RIC1: variants seen among roughly 807,000 people sequenced by gnomAD.
The protein encoded by RIC1 is guanine nucleotide exchange factor subunit RIC1.
A neutral mutation model predicts 169.0 loss-of-function variants in RIC1; 88 were observed. The ratio of observed to expected loss-of-function variants is 0.52; its 90% CI spans 0.44 to 0.62. The LOEUF (loss-of-function observed/expected upper bound fraction) is 0.62. RIC1 is among the 20% of genes least tolerant of loss of function. The pLI is 0.00. For synonymous variants in RIC1, 790 were observed against 601.5 expected (o/e 1.31, Z -4.59); for missense variants, 1,877 against 1,725.5 (o/e 1.09, Z -1.56).
At chr9:5,664,998 A>G (rs1008807049) in intron 2 of RIC1, among the ~76,000 whole-genome samples, 5 of 152,064 alleles carry the variant, frequency 3.3e-5, no homozygotes, top group African/African-American at 4.8e-5. Flanking sequence ...TCCTCCTAGT[A>G]TTGTCAGTGG....
At chr9:5,717,643 A>C (rs754496984) in intron 4 of RIC1, among the ~76,000 whole-genome samples, 2 of 152,116 alleles carry the variant, frequency 1.3e-5, no homozygotes, top group Non-Finnish European at 2.9e-5. Context: ...TCAGGAGTTC[A>C]AAACCAGCCT....
At chr9:5,709,790 G>A (rs1563917625) in intron 3 of RIC1, among the ~76,000 whole-genome samples, 2 of 152,096 alleles carry the variant, frequency 1.3e-5, no homozygotes, top group African/African-American at 4.8e-5. Context: ...ATTTTAGTAT[G>A]TTTGGAAGAC....
intron 6 of RIC1, among the ~76,000 whole-genome samples, chr9:5,725,869 T>G (rs568032427): frequency 6.6e-6 from 1 of 152,332 alleles, no homozygotes; most frequent in Admixed American, 6.5e-5. Flanking sequence ...TGAGTGGTTT[T>G]GAGTGAGTTT....
intron 1 of RIC1, 88 bp downstream of exon 1, chr9:5,629,541 C>CTCCT: frequency 2.2e-6 from 3 of 1,359,336 alleles, no homozygotes; most frequent in Non-Finnish European, 2.9e-6. Context: ...GAGCCTAGGA[C>CTCCT]TCCTGCCCCT....
chr9:5,767,801 A>C (rs902006041), intron 21 of RIC1, among the ~76,000 whole-genome samples: 1 of 152,012 alleles, frequency 6.6e-6, no homozygotes, highest in South Asian at 2.1e-4. Flanking sequence ...TGGTCAGGCT[A>C]GTCTCAAACT....
intron 3 of RIC1, among the ~76,000 whole-genome samples, chr9:5,697,153 G>C (rs111449178): frequency 6.6e-6 from 1 of 152,218 alleles, no homozygotes; most frequent in Non-Finnish European, 1.5e-5. Context: ...GCTTTTCTCT[G>C]TGTGGCTCCC....
chr9:5,702,888 C>T (rs1197337502), intron 3 of RIC1, among the ~76,000 whole-genome samples: 1 of 152,222 alleles, frequency 6.6e-6, no homozygotes, highest in African/African-American at 2.4e-5. Context: ...CGATAACTTA[C>T]TATCACAAGA....
chr9:5,696,126 C>G (rs1821888640), intron 3 of RIC1, among the ~76,000 whole-genome samples: 1 of 151,986 alleles, frequency 6.6e-6, no homozygotes, highest in African/African-American at 2.4e-5. Flanking sequence ...CTCTATTTTA[C>G]TCTCATTGGT....
intron 2 of RIC1, among the ~76,000 whole-genome samples, chr9:5,675,868 A>G (rs144183020): frequency 9.0e-4 from 137 of 152,352 alleles, no homozygotes; most frequent in African/African-American, 3.2e-3. Flanking sequence ...TAATATGCAT[A>G]CAGCACATTT....
chr9:5,648,144 G>A (rs559068305), intron 1 of RIC1, among the ~76,000 whole-genome samples: 4 of 151,998 alleles, frequency 2.6e-5, no homozygotes, highest in East Asian at 1.9e-4. Context: ...CACCATACCC[G>A]ACTAATTTCT....
chr9:5,715,937 TC>T (rs1823213504), intron 4 of RIC1, among the ~76,000 whole-genome samples: 1 of 151,848 alleles, frequency 6.6e-6, no homozygotes, highest in Admixed American at 6.6e-5. Flanking sequence ...AGCCTCAGCC[TC>T]CTGGGCTCCA....
chr9:5,745,905 T>C (rs746480597), intron 10 of RIC1, 26 bp from the exon 11 acceptor site: 1 of 1,589,704 alleles, frequency 6.3e-7, no homozygotes, highest in South Asian at 1.1e-5. Flanking sequence ...GCTCTGACTT[T>C]TTTTCTCCCT....
At chr9:5,728,284 A>T (rs1824129140) in intron 6 of RIC1, among the ~76,000 whole-genome samples, 1 of 152,214 alleles carries the variant, frequency 6.6e-6, no homozygotes, top group South Asian at 2.1e-4. Context: ...CTTGCAGTTC[A>T]ATCTGAGTTG....
At chr9:5,749,716 A>G (rs867671654) in intron 12 of RIC1, among the ~76,000 whole-genome samples, 4 of 150,782 alleles carry the variant, frequency 2.7e-5, no homozygotes, top group Non-Finnish European at 5.9e-5. Context: ...AACAAAACAA[A>G]TACATACTTG....
chr9:5,720,844 G>A (rs775664044), intron 6 of RIC1, 94 bp downstream of exon 6: 19 of 1,120,654 alleles, frequency 1.7e-5, no homozygotes, highest in Non-Finnish European at 2.1e-5. Flanking sequence ...ATTCATGTAA[G>A]ATTTTAAGGG....
chr9:5,682,299 G>C (rs1313849558), intron 2 of RIC1, among the ~76,000 whole-genome samples: 1 of 152,186 alleles, frequency 6.6e-6, no homozygotes, highest in East Asian at 1.9e-4. Flanking sequence ...GCTGGTACCA[G>C]TTTTTCCTTT....
At chr9:5,670,372 A>G (rs2890691) in intron 2 of RIC1, among the ~76,000 whole-genome samples, 45,288 of 152,104 alleles carry the variant, frequency 0.3, 7,898 homozygotes, top group East Asian at 0.59. Context: ...AAATCAGCTT[A>G]CTTCTGAACA....
At chr9:5,680,858 G>A (rs1344259339) in intron 2 of RIC1, among the ~76,000 whole-genome samples, 2 of 107,626 alleles carry the variant, frequency 1.9e-5, no homozygotes, top group Non-Finnish European at 3.4e-5. Context: ...ACGGAGTCTC[G>A]CTCTGTCGCC....
At chr9:5,646,306 A>T (rs544720347) in intron 1 of RIC1, among the ~76,000 whole-genome samples, 3 of 152,244 alleles carry the variant, frequency 2.0e-5, no homozygotes, top group Admixed American at 6.5e-5. Context: ...TATTCTGGGT[A>T]TAATCCTTTA....
Sources: gnomAD v4.1 joint callset for allele counts (sites outside exome capture counted in the v4.1 genomes callset) on GRCh38, gnomAD v4.1.1 for gene constraint, MANE v1.5 for transcripts, NCBI Gene and HGNC (gene_info 2026-07-23, HGNC 2026-07-21) for gene names.